Variants in DEFB112 observed in about 807,000 individuals in gnomAD.
DEFB112 encodes defensin beta 112.
In DEFB112, 2 loss-of-function variants were observed where a neutral mutation model predicts 1.1. The observed-to-expected ratio is 1.85, with a 90% CI of 0.76 to 5.83. The LOEUF (loss-of-function observed/expected upper bound fraction) is 5.83, where lower values mean the gene tolerates loss of function less well. DEFB112 is among the 30% of genes most tolerant of loss of function. The pLI, the probability that DEFB112 is intolerant of heterozygous loss-of-function variation, is 0.05. For missense variants in DEFB112, 120 were observed against 94.4 expected, an observed-to-expected ratio of 1.27 and a Z score of -1.12; for synonymous variants, 40 against 31.2, an observed-to-expected ratio of 1.28 and a Z score of -0.93.
intron 1 of DEFB112, among the ~76,000 whole-genome samples, chr6:50,046,901 T>C (rs1047263813): frequency 1.3e-5 from 2 of 152,200 alleles, no homozygotes; most frequent in African/African-American, 4.8e-5. Flanking sequence ...TAGGGTTACA[T>C]GAGCTGGCCA....
In DEFB112 at chr6:50,047,965, G is replaced by A. The variant is rs531673024; in HGVS notation, c.58+1847C>T. Among the ~76,000 whole-genome samples the A allele has an allele frequency of 6.6e-4, 101 of 152,068 alleles. 1 individual carries two copies. The highest frequency in any genetic ancestry group is 5.8e-3 in the East Asian group (30 of 5,160). ...GTTCGCTACCAGCCTAGCCAACATGGTGAAACCCTGTCTCTACTAAAAATA... is the reference window on the plus strand; with the variant it reads ...GTTCGCTACCAGCCTAGCCAACATGATGAAACCCTGTCTCTACTAAAAATA... On this transcript the variant is annotated intron_variant, in intron 1 of 1. Coordinates refer to ENST00000651554, the MANE Select transcript of DEFB112 (RefSeq NM_001369057.2).
At position 50,042,926 on chromosome 6, in the gene DEFB112, GCAAAA is replaced by G. The variant is rs1774768702; in HGVS notation, c.*644_*648del. On this transcript the variant is annotated 3_prime_UTR_variant, in exon 2 of 2. Transcript: ENST00000651554. ...GGAAACATTAAAAACATGAAACAAAGCAAAACAAAACAAAAAAGTTAATCATAATT... is the reference window on the plus strand; with the variant it reads ...GGAAACATTAAAAACATGAAACAAAGCAAAACAAAAAAGTTAATCATAATT... Among the ~76,000 whole-genome samples the G allele has an allele frequency of 6.6e-6, 1 of 151,756 alleles. No individual in the cohort carries two copies. Among genetic ancestry groups the G allele is most frequent in the South Asian group, 2.1e-4 (1 of 4,820 alleles).
At chr6:50,048,674 G>A (rs771759638) in intron 1 of DEFB112, 2 of 1,553,056 alleles carry the variant, frequency 1.3e-6, no homozygotes, top group South Asian at 1.1e-5. Flanking sequence ...AGGTTGTTAA[G>A]AGCTCACTGT....
intron 1 of DEFB112, among the ~76,000 whole-genome samples, chr6:50,045,467 T>C (rs1442212160): frequency 6.6e-6 from 1 of 152,040 alleles, no homozygotes; most frequent in Non-Finnish European, 1.5e-5. Flanking sequence ...TTTGTATACC[T>C]CAATTATGCA....
intron 1 of DEFB112, among the ~76,000 whole-genome samples, chr6:50,044,106 A>G (rs1031291072): frequency 6.6e-6 from 1 of 152,088 alleles, no homozygotes; most frequent in African/African-American, 2.4e-5. Context: ...ACCATTGGAT[A>G]TGAGTGGGAC....
chr6:50,048,512 C>T (rs772445656), intron 1 of DEFB112: 9 of 1,570,104 alleles, frequency 5.7e-6, no homozygotes, highest in Middle Eastern at 1.7e-4. Flanking sequence ...ATGTGCAAGA[C>T]ACAATTCTAC....
chr6:50,048,707 A>G (rs1463585985), intron 1 of DEFB112: 3 of 1,253,874 alleles, frequency 2.4e-6, no homozygotes, highest in Non-Finnish European at 2.3e-6. Flanking sequence ...TTACTTTAAA[A>G]GTAGGAGGAA....
chr6:50,045,012 T>C (rs1012502267), intron 1 of DEFB112, among the ~76,000 whole-genome samples: 1 of 152,094 alleles, frequency 6.6e-6, no homozygotes, highest in Non-Finnish European at 1.5e-5. Context: ...AGGATATTCC[T>C]TTTAACATAC....
intron 1 of DEFB112, chr6:50,048,756 CTATT>C (rs1359305006): frequency 2.8e-6 from 2 of 719,340 alleles, no homozygotes; most frequent in Non-Finnish European, 4.6e-6. Context: ...GTAGTTGCCT[CTATT>C]TAATGGTCCT....
At chr6:50,048,544 G>C (rs767280830) in intron 1 of DEFB112, 2 of 1,612,548 alleles carry the variant, frequency 1.2e-6, no homozygotes, top group Admixed American at 1.7e-5. Context: ...TACCTGTGCT[G>C]ATTTTCTCTG....
In DEFB112 at chr6:50,043,798, C is replaced by A; in HGVS notation, c.62G>T (p.Arg21Ile). 1 of 1,613,070 alleles carries A rather than the reference C, an allele frequency of 6.2e-7. No homozygotes were observed. Among genetic ancestry groups the A allele is most frequent in the Non-Finnish European group, 8.5e-7 (1 of 1,179,342 alleles). ...AAAGGTGATATGGTGCCCTTCACTT[C>A]TGGCTGAAAGAAGGCAAGAACAGCT... ...LFFGVLIPPA[R>I]SEGHHITFSR... The change falls in exon 2 of 2, where the codon AGA (arginine) becomes ATA (isoleucine). Residue 21 changes from arginine to isoleucine, a missense_variant. Coordinates refer to ENST00000651554, the MANE Select transcript of DEFB112 (RefSeq NM_001369057.2).
intron 1 of DEFB112, among the ~76,000 whole-genome samples, chr6:50,044,230 T>C (rs2113957038): frequency 6.6e-6 from 1 of 152,244 alleles, no homozygotes; most frequent in South Asian, 2.1e-4. Flanking sequence ...TTCTAAAATA[T>C]TGAAAGATAC....
At position 50,042,154 on chromosome 6, in the gene DEFB112, A is replaced by C. The variant is rs1774753946; in HGVS notation, c.*1421T>G. Reference sequence around the variant, plus strand: ...CATCTATCCTACCACAGATACATTAAATTATAGTATAGGTATACTGTGAGA... The same window carrying C: ...CATCTATCCTACCACAGATACATTACATTATAGTATAGGTATACTGTGAGA... On this transcript the variant is annotated 3_prime_UTR_variant, in exon 2 of 2. Transcript: ENST00000651554. 6.6e-6 allele frequency among the ~76,000 whole-genome samples: 1 copy of C among 151,948 alleles called. No homozygotes were observed. Among genetic ancestry groups the C allele is most frequent in the African/African-American group, 2.4e-5 (1 of 41,412 alleles).
At chr6:50,049,586 T>C (rs191247869) in intron 1 of DEFB112, among the ~76,000 whole-genome samples, 20 of 152,282 alleles carry the variant, frequency 1.3e-4, no homozygotes, top group Non-Finnish European at 2.2e-4. Context: ...TATGCATATA[T>C]ATGAATGTAT....
chr6:50,044,195 G>A (rs1417633311), intron 1 of DEFB112, among the ~76,000 whole-genome samples: 1 of 151,860 alleles, frequency 6.6e-6, no homozygotes. Flanking sequence ...AGATTCCATT[G>A]TTCTTTTTAA....
Position 50,043,366 on chromosome 6 carries a change from C to T in DEFB112, c.*209G>A, listed in dbSNP as rs1327198878. ...ATGGATTTTCTTCTCCACGCTGCTT[C>T]TATTCCAGAGTTCAAATCCCTGCTT... On this transcript the variant is annotated 3_prime_UTR_variant, in exon 2 of 2. Coordinates refer to ENST00000651554, the MANE Select transcript of DEFB112 (RefSeq NM_001369057.2). 6.6e-6 allele frequency among the ~76,000 whole-genome samples: 1 copy of T among 152,072 alleles called. No individual in the cohort carries two copies. The highest frequency in any genetic ancestry group is 1.5e-5 in the Non-Finnish European group (1 of 67,986).
At chr6:50,045,510 A>G (rs1774816838) in intron 1 of DEFB112, among the ~76,000 whole-genome samples, 1 of 152,188 alleles carries the variant, frequency 6.6e-6, no homozygotes, top group Non-Finnish European at 1.5e-5. Context: ...ATGTATACAC[A>G]TAAAATATGT....
At chr6:50,048,727 C>A in intron 1 of DEFB112, 1 of 1,036,508 alleles carries the variant, frequency 9.6e-7, no homozygotes. Context: ...AAAATATTTT[C>A]AGAAATAAGG....
chr6:50,048,678 T>A, intron 1 of DEFB112: 1 of 1,542,468 alleles, frequency 6.5e-7, no homozygotes, highest in Non-Finnish European at 8.9e-7. Flanking sequence ...TGTTAAGAGC[T>A]CACTGTAAAG....
Sources: allele counts gnomAD v4.1 joint callset (sites outside exome capture counted in the v4.1 genomes callset), GRCh38; gene constraint gnomAD v4.1.1; transcripts MANE v1.5; gene names NCBI Gene and HGNC (gene_info 2026-07-23, HGNC 2026-07-21).